The following PHLDB1 variants were observed in gnomAD, a reference collection of about 807,000 sequenced individuals.
PHLDB1 encodes pleckstrin homology like domain family B member 1, also known as pleckstrin homology-like domain family B member 1.
A neutral mutation model predicts 139.3 loss-of-function variants in PHLDB1; 65 were observed. The observed-to-expected ratio is 0.47, with a 90% CI of 0.38 to 0.57. The LOEUF (loss-of-function observed/expected upper bound fraction) is 0.57, where lower values mean the gene tolerates loss of function less well. Among genes scored for constraint, PHLDB1 ranks in the 20% least tolerant of loss-of-function variants. The pLI is 0.00. For missense variants in PHLDB1, 1,624 were observed against 1,839.7 expected (o/e 0.88, Z 2.14); for synonymous variants, 679 against 734.5 (o/e 0.92, Z 1.22).
At position 118,644,046 on chromosome 11, in the gene PHLDB1, G is replaced by A. The variant is rs782432137; in HGVS notation, c.3019-26G>A. 5 of 1,611,414 alleles carry A rather than the reference G, an allele frequency of 3.1e-6. 1 individual carries two copies. The highest frequency in any genetic ancestry group is 4.2e-6 in the Non-Finnish European group (5 of 1,177,938). ...TGGGGGTAAGGGCCTTCTGAGCCCAGGTCCGAACTCTCCATTCCTCTGCAG... is the reference window on the plus strand; with the variant it reads ...TGGGGGTAAGGGCCTTCTGAGCCCAAGTCCGAACTCTCCATTCCTCTGCAG... On this transcript the variant is annotated intron_variant, in intron 14 of 22. Transcript: ENST00000600882.
rs936035919 is a variant in PHLDB1, at chr11:118,645,496, C to T, written c.3262C>T (p.His1088Tyr). 4.3e-6 allele frequency: 7 copies of T among 1,612,218 alleles called. No homozygotes were observed. The highest frequency in any genetic ancestry group is 2.7e-5 in the African/African-American group (2 of 74,908). The change falls in exon 16 of 23, where the codon CAC becomes TAC. Residue 1088 changes from histidine (H) to tyrosine (Y), a missense_variant. By Grantham distance (83) the His-to-Tyr change is moderately conservative. Transcript: ENST00000600882. The surrounding 1 kb of genome is among the most constrained non-coding windows in gnomAD (Gnocchi z 5.1). ...AGPSGFPPLM[H>Y]HSILHHLPAG... is the part of the protein sequence containing the mutation. ...CCCCTCGGGCTTCCCCCCTCTCATG[C>T]ACCACTCTATCCTACACCACCTGCC...
At position 118,635,613 on chromosome 11, in the gene PHLDB1, T is replaced by G. The variant is rs576231318; in HGVS notation, c.2535+65T>G. 2,923 of 1,368,468 alleles carry G rather than the reference T, an allele frequency of 2.1e-3. 8 individuals are homozygous for G. Among genetic ancestry groups the G allele is most frequent in the Non-Finnish European group, 2.6e-3 (2,738 of 1,037,594 alleles). The allele number at this position is 1,368,468 out of a possible 1,614,324, so 84.8% of individuals were successfully genotyped here. A position where few individuals can be genotyped will look rare whatever the true frequency, so the allele number is the denominator to read the frequency against. ...CCAGTGACCTGGGTTTGAATCCCAA[T>G]GACCTCACAAAAGTTAACTTCGTCT... is the stretch of plus-strand genomic sequence containing the variant. On this transcript the variant is annotated intron_variant, in intron 10 of 22. Transcript: ENST00000600882.
At chr11:118,639,559 C>CG (rs1946189097) in intron 12 of PHLDB1, 2 of 468,146 alleles carry the variant, frequency 4.3e-6, no homozygotes, top group Non-Finnish European at 7.8e-6. Context: ...TGGTAGGGGC[C>CG]GGGCTGGATG....
In PHLDB1 at chr11:118,628,071, A is replaced by G; in HGVS notation, c.1248A>G (p.Leu416=). ...FREPPGSERV[L]TTSPSRQLVG... ...AGCCTCCAGGCAGTGAGCGGGTGCT[A>G]ACAACCAGCCCCTCACGCCAACTGG... The change falls in exon 6 of 23, where the codon CTA becomes CTG. Residue 416 remains leucine, a synonymous_variant. Transcript: ENST00000600882. 1 of 1,613,946 alleles carries G rather than the reference A, an allele frequency of 6.2e-7. No homozygotes were observed. Among genetic ancestry groups the G allele is most frequent in the African/African-American group, 1.3e-5 (1 of 75,018 alleles).
chr11:118,631,876 C>G (rs892193104), intron 7 of PHLDB1, 37 bp from the exon 8 acceptor site: 1 of 1,576,472 alleles, frequency 6.3e-7, no homozygotes, highest in Non-Finnish European at 8.6e-7. Flanking sequence ...CCAAAAGGCT[C>G]TAGGCTTCCT....
chr11:118,646,654 A>G (rs1230029769), intron 17 of PHLDB1: 1 of 152,106 alleles, frequency 6.6e-6, no homozygotes, highest in Non-Finnish European at 1.5e-5. Context: ...GCAAAGAGGG[A>G]CCCATGGTTT....
At chr11:118,615,419 C>T (rs1314432111) in intron 3 of PHLDB1, among the ~76,000 whole-genome samples, 6 of 152,092 alleles carry the variant, frequency 3.9e-5, no homozygotes, top group African/African-American at 9.7e-5. Flanking sequence ...GCCCCCTTCA[C>T]CTTTCAGCTT....
At position 118,649,694 on chromosome 11, in the gene PHLDB1, A is replaced by T. The variant is rs150524463; in HGVS notation, c.3655-383A>T. ...GGCCCAGAGAAGGGATGTGACCCAAACAAGGTCCCATGCGAAGTCAGAAAC... is the reference window on the plus strand; with the variant it reads ...GGCCCAGAGAAGGGATGTGACCCAATCAAGGTCCCATGCGAAGTCAGAAAC... On this transcript the variant is annotated intron_variant, in intron 18 of 22. Coordinates refer to ENST00000600882, the MANE Select transcript of PHLDB1 (RefSeq NM_001144758.3). Among the ~76,000 whole-genome samples the T allele has an allele frequency of 1.9e-3, 294 of 152,278 alleles. 8 individuals are homozygous for T. In the East Asian group the frequency reaches 0.042, roughly 22 times the overall value.
Position 118,628,360 on chromosome 11 carries a change from GGCCGTAGGACACGGA to G in PHLDB1, c.1541_1555del (p.Arg514_Ser518del). The G allele has an allele frequency of 1.2e-6, 2 of 1,611,956 alleles. No individual in the cohort carries two copies. Among genetic ancestry groups the G allele is most frequent in the Non-Finnish European group, 1.7e-6 (2 of 1,179,164 alleles). Reference sequence around the variant, plus strand: ...CTTCTCCCTGACGCTGGGGGCACGGGGCCGTAGGACACGGAGCCCCTCACCCACACTGGGTGAGTC... The same window carrying G: ...CTTCTCCCTGACGCTGGGGGCACGGGGCCCCTCACCCACACTGGGTGAGTC... On this transcript the variant is annotated inframe_deletion, in exon 6 of 23. Transcript: ENST00000600882.
At chr11:118,655,579 A>G (rs1555141098) in intron 20 of PHLDB1, 26 bp from the exon 21 acceptor site, 3 of 1,505,702 alleles carry the variant, frequency 2.0e-6, no homozygotes, top group South Asian at 1.1e-5. Flanking sequence ...GACCGGCTCC[A>G]TAGCCCACCC....
chr11:118,632,748 T>A lies in PHLDB1; in HGVS notation c.2379+452T>A. The A allele has an allele frequency of 2.3e-6, 1 of 438,224 alleles. No homozygotes were observed. Among genetic ancestry groups the A allele is most frequent in the Non-Finnish European group, 3.1e-6 (1 of 324,978 alleles). 27.1% of individuals were successfully genotyped at this position (438,224 alleles called of 1,614,324 possible). ...CTCGGGCCTCTGCTTCCCTTGAGCC[T>A]TCAGGATCTGCAGCCTCCCATCCCA... is the stretch of plus-strand genomic sequence containing the variant. On this transcript the variant is annotated intron_variant, in intron 9 of 22. Transcript: ENST00000600882. This position sits in a 1 kb window ranked among gnomAD's most constrained non-coding sequence, Gnocchi z 5.9.
chr11:118,622,534 C>T (rs1461390220), intron 4 of PHLDB1, among the ~76,000 whole-genome samples: 9 of 152,268 alleles, frequency 5.9e-5, no homozygotes, highest in Non-Finnish European at 1.3e-4. Flanking sequence ...GCAGAAAACA[C>T]ACAGCTATAG....
chr11:118,615,915 A>G lies in PHLDB1; in HGVS notation c.185-126A>G, dbSNP rs1414134677. 45 of 748,386 alleles carry G rather than the reference A, an allele frequency of 6.0e-5. No individual in the cohort carries two copies. In the South Asian group the frequency reaches 7.6e-4, roughly 13 times the overall value. The allele number at this position is 748,386 out of a possible 1,614,324, so 46.4% of individuals were successfully genotyped here. A position where few individuals can be genotyped will look rare whatever the true frequency, so the allele number is the denominator to read the frequency against. On this transcript the variant is annotated intron_variant, in intron 3 of 22. Coordinates refer to ENST00000600882, the MANE Select transcript of PHLDB1 (RefSeq NM_001144758.3). Reference sequence around the variant, plus strand: ...GCTCAGGGGCCTAGTAGGGGTGGCCAGTGGTGGGCAGAGATTCTCCCTGGA... The same window carrying G: ...GCTCAGGGGCCTAGTAGGGGTGGCCGGTGGTGGGCAGAGATTCTCCCTGGA...
At chr11:118,655,728 C>T in intron 21 of PHLDB1, 38 bp downstream of exon 21, 1 of 1,550,988 alleles carries the variant, frequency 6.4e-7, no homozygotes, top group Admixed American at 1.7e-5. Flanking sequence ...GCCAGAGGGA[C>T]AGCCATGGGG....
Position 118,635,563 on chromosome 11 carries a change from G to C in PHLDB1, c.2535+15G>C, listed in dbSNP as rs782645238. ...CCAAGAGGAAGGTGTGCCCCACCTC[G>C]TTCCCTGCTGCGTGCTGTTGGAGGC... On this transcript the variant is annotated intron_variant, in intron 10 of 22. Transcript: ENST00000600882. The C allele has an allele frequency of 1.3e-6, 2 of 1,503,348 alleles. No individual in the cohort carries two copies. The highest frequency in any genetic ancestry group is 2.4e-5 in the East Asian group (1 of 41,214). The allele number at this position is 1,503,348 out of a possible 1,614,324, so 93.1% of individuals were successfully genotyped here.
chr11:118,655,577 C>G, intron 20 of PHLDB1, 28 bp from the exon 21 acceptor site: 3 of 1,473,444 alleles, frequency 2.0e-6, no homozygotes, highest in Non-Finnish European at 2.9e-6. Flanking sequence ...GTGACCGGCT[C>G]CATAGCCCAC....
chr11:118,655,622 C>T lies in PHLDB1; in HGVS notation c.3892C>T (p.Leu1298=). 1 of 1,612,484 alleles carries T rather than the reference C, an allele frequency of 6.2e-7. No individual in the cohort carries two copies. The highest frequency in any genetic ancestry group is 1.1e-5 in the South Asian group (1 of 91,048). The change falls in exon 21 of 23, where the codon CTG becomes TTG. Residue 1298 remains leucine, a synonymous_variant. Transcript: ENST00000600882. ...SYYVDKHETK[L]KGVIYFQAIE... ...CTTTGCAGACAAGCATGAGACGAAG[C>T]TGAAGGGAGTCATCTATTTCCAGGC...
At chr11:118,613,719 G>T in intron 1 of PHLDB1, 97 bp from the exon 2 acceptor site, 1 of 707,350 alleles carries the variant, frequency 1.4e-6, no homozygotes, top group East Asian at 2.9e-5. Context: ...GATGGTGACT[G>T]GTGACACCTC....
rs1175910670 is a variant in PHLDB1, at chr11:118,632,783, A to G, written c.2379+487A>G. 1.1e-5 allele frequency: 9 copies of G among 839,724 alleles called. No individual in the cohort carries two copies. Among genetic ancestry groups the G allele is most frequent in the African/African-American group, 1.8e-5 (1 of 54,360 alleles). 52.0% of individuals were successfully genotyped at this position (839,724 alleles called of 1,614,324 possible). A position where few individuals can be genotyped will look rare whatever the true frequency, so the allele number is the denominator to read the frequency against. ...GCAGCCTCCCATCCCAGGTGATCCT[A>G]GCTCCTGCCCCTGCCCCTTTCAGAT... On this transcript the variant is annotated intron_variant, in intron 9 of 22. Coordinates refer to ENST00000600882, the MANE Select transcript of PHLDB1 (RefSeq NM_001144758.3). This position sits in a 1 kb window ranked among gnomAD's most constrained non-coding sequence, Gnocchi z 5.9.
Sources: allele counts gnomAD v4.1 joint callset (sites outside exome capture counted in the v4.1 genomes callset), GRCh38; gene constraint gnomAD v4.1.1; non-coding constraint Gnocchi (gnomAD v3.1); transcripts MANE v1.5; gene names NCBI Gene and HGNC (gene_info 2026-07-23, HGNC 2026-07-21).